Variants in NEIL3 observed in about 807,000 individuals in gnomAD.
NEIL3 encodes the protein nei like DNA glycosylase 3, also known as endonuclease 8-like 3.
Under a neutral mutation model 57.5 loss-of-function variants are expected in NEIL3, and 48 were observed. The observed-to-expected ratio is 0.83, with a 90% CI of 0.66 to 1.06. The LOEUF (loss-of-function observed/expected upper bound fraction) is 1.06. Ranked by LOEUF, NEIL3 falls within the 50% of genes least tolerant of loss-of-function variation. The pLI, the probability that NEIL3 is intolerant of heterozygous loss-of-function variation, is 0.00. For synonymous variants in NEIL3, 261 were observed against 253.2 expected, an observed-to-expected ratio of 1.03 and a Z score of -0.29; for missense variants, 717 against 739.1, an observed-to-expected ratio of 0.97 and a Z score of 0.35.
At chr4:177,340,055 A>G (rs1735061744) in intron 5 of NEIL3, among the ~76,000 whole-genome samples, 198 bp downstream of exon 5, 1 of 152,230 alleles carries the variant, frequency 6.6e-6, no homozygotes, top group Non-Finnish European at 1.5e-5. Flanking sequence ...TCGTCTAACT[A>G]TAACCATATT....
chr4:177,344,221 A>G (rs911693528), intron 6 of NEIL3, among the ~76,000 whole-genome samples: 5 of 152,210 alleles, frequency 3.3e-5, no homozygotes, highest in Non-Finnish European at 7.3e-5. Flanking sequence ...TGGAAAATCA[A>G]CTATACACTG....
Position 177,326,873 on chromosome 4 carries a change from G to A in NEIL3, c.278+4293G>A, listed in dbSNP as rs1044475068. Reference sequence around the variant, plus strand: ...GTGTATGGAAATACAATTTTTGTGTGTATATTGACCTTGTATCCTGCAACC... The same window carrying A: ...GTGTATGGAAATACAATTTTTGTGTATATATTGACCTTGTATCCTGCAACC... On this transcript the variant is annotated intron_variant, in intron 2 of 9. Coordinates refer to ENST00000264596, the MANE Select transcript of NEIL3 (RefSeq NM_018248.3). 2.6e-5 allele frequency among the ~76,000 whole-genome samples: 4 copies of A among 152,082 alleles called. No homozygotes were observed. In the South Asian group the frequency reaches 8.3e-4, roughly 32 times the overall value.
intron 2 of NEIL3, among the ~76,000 whole-genome samples, chr4:177,333,921 T>C (rs1734928633): frequency 1.3e-5 from 2 of 152,124 alleles, no homozygotes; most frequent in African/African-American, 4.8e-5. Context: ...CTGAACAGGT[T>C]AATGCCCACC....
At chr4:177,344,921 C>G (rs1467715263) in intron 6 of NEIL3, among the ~76,000 whole-genome samples, 1 of 152,110 alleles carries the variant, frequency 6.6e-6, no homozygotes, top group Non-Finnish European at 1.5e-5. Flanking sequence ...GTATTATTTC[C>G]TTTAAAGAAA....
intron 2 of NEIL3, 119 bp downstream of exon 2, chr4:177,322,699 G>A (rs1734710692): frequency 9.0e-7 from 1 of 1,110,568 alleles, no homozygotes; most frequent in East Asian, 2.4e-5. Context: ...TTTTAAGAGA[G>A]CTCCAATATG....
At chr4:177,351,584 TTC>T in intron 7 of NEIL3, 35 bp downstream of exon 7, 1 of 1,529,618 alleles carries the variant, frequency 6.5e-7, no homozygotes, top group African/African-American at 1.4e-5. Context: ...TTTGTTACAT[TTC>T]TAAGAGGGTT....
At chr4:177,369,443 G>C in the NEIL3 span, among the ~76,000 whole-genome samples, 5 of 152,154 alleles carry the variant, frequency 3.3e-5, no homozygotes, top group African/African-American at 1.2e-4. Context: ...GGCTATAAAT[G>C]GATCCTGGGA....
At chr4:177,355,573 G>A (rs573474122) in intron 8 of NEIL3, among the ~76,000 whole-genome samples, 27 of 152,144 alleles carry the variant, frequency 1.8e-4, no homozygotes, top group Admixed American at 1.6e-3. Flanking sequence ...GGGAACCTAC[G>A]GCTATGGAGG....
intron 2 of NEIL3, among the ~76,000 whole-genome samples, chr4:177,334,637 C>G (rs1307151175): frequency 1.3e-5 from 2 of 152,148 alleles, no homozygotes; most frequent in South Asian, 2.1e-4. Context: ...TTTTTCCTGT[C>G]AAGAACTATG....
intron 5 of NEIL3, 24 bp from the exon 6 acceptor site, chr4:177,341,452 T>A: frequency 6.5e-7 from 1 of 1,548,924 alleles, no homozygotes; most frequent in Non-Finnish European, 8.7e-7. Flanking sequence ...GATAACAGAA[T>A]TTTTTGGTTT....
the NEIL3 span, among the ~76,000 whole-genome samples, chr4:177,368,413 C>T: frequency 1.3e-5 from 2 of 152,162 alleles, no homozygotes; most frequent in Non-Finnish European, 2.9e-5. Context: ...CAAGTGTTCT[C>T]ATGGGGTTCC....
At chr4:177,322,229 A>G (rs887518804) in intron 1 of NEIL3, among the ~76,000 whole-genome samples, 2 of 152,094 alleles carry the variant, frequency 1.3e-5, no homozygotes, top group Admixed American at 1.3e-4. Context: ...TCTACCAATT[A>G]CTTTTTTTCA....
chr4:177,359,089 G>C (rs1201801794), intron 8 of NEIL3, among the ~76,000 whole-genome samples: 7 of 152,112 alleles, frequency 4.6e-5, no homozygotes, highest in African/African-American at 1.7e-4. Context: ...GGAGGGGGTT[G>C]GTGAACTGAA....
At chr4:177,315,341 A>G (rs1052721274) in intron 1 of NEIL3, among the ~76,000 whole-genome samples, 8 of 152,222 alleles carry the variant, frequency 5.3e-5, no homozygotes, top group Middle Eastern at 3.2e-3. Context: ...AAGATTTCAT[A>G]TTATTAAGCC....
intron 6 of NEIL3, among the ~76,000 whole-genome samples, chr4:177,350,731 C>T (rs1179239984): frequency 2.0e-5 from 3 of 151,798 alleles, no homozygotes; most frequent in Non-Finnish European, 4.4e-5. Context: ...AAGGTATTTT[C>T]ATTTTGTTTG....
intron 6 of NEIL3, among the ~76,000 whole-genome samples, chr4:177,350,263 A>C (rs1184170544): frequency 6.6e-6 from 1 of 152,218 alleles, no homozygotes; most frequent in Non-Finnish European, 1.5e-5. Flanking sequence ...GTTCAGTATT[A>C]ATGTTTGGGA....
intron 5 of NEIL3, among the ~76,000 whole-genome samples, chr4:177,340,340 C>T (rs1006868233): frequency 2.0e-5 from 3 of 152,270 alleles, no homozygotes; most frequent in African/African-American, 7.2e-5. Flanking sequence ...GTTTCTCTGT[C>T]TACCACAGTT....
chr4:177,361,075 A>T (rs1267641718), intron 9 of NEIL3, among the ~76,000 whole-genome samples: 1 of 152,206 alleles, frequency 6.6e-6, no homozygotes, highest in African/African-American at 2.4e-5. Context: ...ATAAAGGTTT[A>T]TAAGAAAAGC....
intron 8 of NEIL3, among the ~76,000 whole-genome samples, chr4:177,357,908 C>A (rs6840653): frequency 1.8e-3 from 277 of 152,262 alleles, no homozygotes; most frequent in African/African-American, 6.0e-3. Context: ...ATGAACAATT[C>A]TGTATGCTAC....
Sources: allele counts gnomAD v4.1 joint callset (sites outside exome capture counted in the v4.1 genomes callset), GRCh38; gene constraint gnomAD v4.1.1; transcripts MANE v1.5; gene names NCBI Gene and HGNC (gene_info 2026-07-23, HGNC 2026-07-21).